Variants in FBLN7 observed in about 807,000 individuals in gnomAD.
FBLN7 encodes the protein fibulin 7.
FBLN7 carries 31 observed loss-of-function variants against 44.0 expected under a neutral mutation model. The ratio of observed to expected loss-of-function variants is 0.70; its 90% CI spans 0.53 to 0.95. The LOEUF (loss-of-function observed/expected upper bound fraction) is 0.95. Among genes scored for constraint, FBLN7 ranks in the 40% least tolerant of loss-of-function variants. FBLN7 has a pLI of 0.00. For missense variants in FBLN7, 573 were observed against 618.5 expected, an observed-to-expected ratio of 0.93 and a Z score of 0.78; for synonymous variants, 262 against 253.4, an observed-to-expected ratio of 1.03 and a Z score of -0.32.
the FBLN7 span, among the ~76,000 whole-genome samples, chr2:112,195,641 T>C: frequency 6.6e-6 from 1 of 152,220 alleles, no homozygotes; most frequent in African/African-American, 2.4e-5. Context: ...TTTCTCATAC[T>C]AATGCTGGAC....
the FBLN7 span, chr2:112,234,215 G>C: frequency 1.9e-6 from 3 of 1,607,134 alleles, no homozygotes; most frequent in Non-Finnish European, 2.5e-6. Flanking sequence ...AAATGCTGCT[G>C]CTTCTCTTTA....
chr2:112,148,061 G>C (rs1395311024), intron 1 of FBLN7, among the ~76,000 whole-genome samples: 4 of 152,100 alleles, frequency 2.6e-5, no homozygotes, highest in Non-Finnish European at 5.9e-5. Flanking sequence ...GCTGGAGCAG[G>C]ACTTGAGACT....
the FBLN7 span, chr2:112,233,442 T>C: frequency 1.2e-5 from 12 of 1,018,588 alleles, no homozygotes; most frequent in East Asian, 2.7e-5. Context: ...TAATTCCTAC[T>C]AAACTTTAAA....
intron 1 of FBLN7, among the ~76,000 whole-genome samples, chr2:112,155,212 C>T (rs1473687328): frequency 2.0e-5 from 3 of 152,158 alleles, no homozygotes; most frequent in Non-Finnish European, 2.9e-5. Context: ...CCTCATTTGT[C>T]CCCATAATGT....
the FBLN7 span, among the ~76,000 whole-genome samples, chr2:112,237,601 G>A: frequency 1.3e-5 from 2 of 149,840 alleles, no homozygotes; most frequent in African/African-American, 4.9e-5. Flanking sequence ...TTTTGAGACA[G>A]AGTCTCGCTC....
chr2:112,152,096 A>G (rs554712839), intron 1 of FBLN7: 1 of 152,346 alleles, frequency 6.6e-6, no homozygotes, highest in African/African-American at 2.4e-5. Flanking sequence ...AAGTGAGAGG[A>G]TGAATGAGGC....
the FBLN7 span, among the ~76,000 whole-genome samples, chr2:112,226,267 G>T: frequency 6.6e-6 from 1 of 151,218 alleles, no homozygotes; most frequent in Non-Finnish European, 1.5e-5. Flanking sequence ...AACAAGGACA[G>T]AAATTGAATC....
chr2:112,159,950 A>G (rs1681647091), intron 2 of FBLN7, 115 bp downstream of exon 2: 4 of 763,462 alleles, frequency 5.2e-6, no homozygotes, highest in Non-Finnish European at 5.3e-6. Context: ...ATCACCTTCC[A>G]TCTTCCAACT....
At chr2:112,166,966 C>T (rs1435101609) in intron 3 of FBLN7, among the ~76,000 whole-genome samples, 1 of 152,212 alleles carries the variant, frequency 6.6e-6, no homozygotes, top group Non-Finnish European at 1.5e-5. Flanking sequence ...GCCTTCTTAT[C>T]GCCCTACTTT....
chr2:112,158,582 C>G (rs1191312104), intron 1 of FBLN7, among the ~76,000 whole-genome samples: 2 of 151,882 alleles, frequency 1.3e-5, no homozygotes, highest in Non-Finnish European at 2.9e-5. Context: ...ATTACAGGCA[C>G]CTGCCACCAT....
chr2:112,144,617 C>T (rs1308912189), intron 1 of FBLN7, among the ~76,000 whole-genome samples: 10 of 150,898 alleles, frequency 6.6e-5, no homozygotes, highest in African/African-American at 9.8e-5. Context: ...CTCCGCCTCC[C>T]GGGTTCAAGC....
intron 2 of FBLN7, among the ~76,000 whole-genome samples, chr2:112,160,437 C>T (rs1044819224): frequency 6.6e-6 from 1 of 152,214 alleles, no homozygotes; most frequent in African/African-American, 2.4e-5. Context: ...ACAACTATCA[C>T]GTCTTCATAC....
At position 112,146,118 on chromosome 2, in the gene FBLN7, C is replaced by T. The variant is rs573381506; in HGVS notation, c.75+7388C>T. 5.3e-5 allele frequency among the ~76,000 whole-genome samples: 8 copies of T among 152,282 alleles called. No individual in the cohort carries two copies. In the East Asian group the frequency reaches 7.7e-4, roughly 15 times the overall value. ...GGCAGACCACCTGAGGTCAGGAGTC[C>T]GAGACCAGCCTGGCAAACATGGTGA... On this transcript the variant is annotated intron_variant, in intron 1 of 7. Coordinates refer to ENST00000331203, the MANE Select transcript of FBLN7 (RefSeq NM_153214.3).
At chr2:112,141,118 G>A (rs1204980490) in intron 1 of FBLN7, among the ~76,000 whole-genome samples, 1 of 152,228 alleles carries the variant, frequency 6.6e-6, no homozygotes, top group South Asian at 2.1e-4. Context: ...CAACAGCGGT[G>A]GGCAGCGGAG....
chr2:112,159,294 T>TA (rs1174527880), intron 1 of FBLN7, among the ~76,000 whole-genome samples: 1 of 152,194 alleles, frequency 6.6e-6, no homozygotes, highest in Admixed American at 6.5e-5. Context: ...CCTTTGCTTT[T>TA]AAAAATGTCT....
the FBLN7 span, among the ~76,000 whole-genome samples, chr2:112,241,986 A>C: frequency 3.3e-5 from 5 of 152,170 alleles, no homozygotes; most frequent in South Asian, 8.3e-4. Context: ...ACACTGCTGG[A>C]AAACCTCCTA....
At chr2:112,141,772 G>A (rs961475043) in intron 1 of FBLN7, among the ~76,000 whole-genome samples, 1 of 152,208 alleles carries the variant, frequency 6.6e-6, no homozygotes, top group African/African-American at 2.4e-5. Context: ...GCCATTGTGT[G>A]ACTTTTGCTG....
At chr2:112,164,662 G>A (rs1398421892) in intron 2 of FBLN7, among the ~76,000 whole-genome samples, 1 of 152,250 alleles carries the variant, frequency 6.6e-6, no homozygotes, top group Non-Finnish European at 1.5e-5. Context: ...AAGAAACCCA[G>A]GGGGGCTGGA....
chr2:112,197,274 C>CAGAG, the FBLN7 span, among the ~76,000 whole-genome samples: 49 of 98,652 alleles, frequency 5.0e-4, no homozygotes, highest in South Asian at 2.2e-3. Context: ...CACACACACA[C>CAGAG]AGAGAGAGAG....
Sources: gnomAD v4.1 joint callset for allele counts (sites outside exome capture counted in the v4.1 genomes callset) on GRCh38, gnomAD v4.1.1 for gene constraint, MANE v1.5 for transcripts, NCBI Gene and HGNC (gene_info 2026-07-23, HGNC 2026-07-21) for gene names.